The following DCC variants were observed in gnomAD, a reference collection of about 807,000 sequenced individuals.
DCC encodes the protein DCC netrin 1 receptor.
Under a neutral mutation model 172.5 loss-of-function variants are expected in DCC, and 58 were observed. That is an observed-to-expected ratio of 0.34 (90% CI 0.27 to 0.42). The LOEUF (loss-of-function observed/expected upper bound fraction) is 0.42, where lower values mean the gene tolerates loss of function less well. DCC is among the 10% of genes least tolerant of loss of function. The probability of loss-of-function intolerance (pLI) is 1.00; values close to 1 mark genes in which losing one functional copy is unlikely to be tolerated. For synonymous variants in DCC, 709 were observed against 644.5 expected (o/e 1.10, Z -1.52); for missense variants, 1,740 against 1,791.0 (o/e 0.97, Z 0.51).
chr18:53,226,930 G>GTATATATATATATA (rs1290601706), intron 12 of DCC, among the ~76,000 whole-genome samples: 3 of 48,602 alleles, frequency 6.2e-5, no homozygotes, highest in African/African-American at 2.3e-4. Flanking sequence ...GTGTGTGTGT[G>GTATATATATATATA]TGTGTATATA....
At position 52,844,414 on chromosome 18, in the gene DCC, A is replaced by G. The variant is rs539849516; in HGVS notation, c.413-61630A>G. Among the ~76,000 whole-genome samples, 8 of 152,292 alleles carry G rather than the reference A, an allele frequency of 5.3e-5. No individual in the cohort carries two copies. The East Asian group carries it at 1.2e-3, about 22-fold the overall frequency. On this transcript the variant is annotated intron_variant, in intron 2 of 28. Coordinates refer to ENST00000442544, the MANE Select transcript of DCC (RefSeq NM_005215.4). ...GGGTTAACCTCCATTTAGGAAAATC[A>G]TCTTTACCTTGGTCTCATTAATACA... is the stretch of plus-strand genomic sequence containing the variant.
At chr18:52,430,809 C>T (rs1568167140) in intron 1 of DCC, among the ~76,000 whole-genome samples, 1 of 151,986 alleles carries the variant, frequency 6.6e-6, no homozygotes, top group Non-Finnish European at 1.5e-5. Context: ...ATGGAGAAAA[C>T]ACTCTCAAAT....
At chr18:52,432,343 G>A (rs1449396409) in intron 1 of DCC, among the ~76,000 whole-genome samples, 6 of 152,054 alleles carry the variant, frequency 3.9e-5, no homozygotes, top group African/African-American at 7.2e-5. Flanking sequence ...GCAGCTCAGC[G>A]GCGGATTGGT....
At chr18:53,214,982 T>C (rs2055825000) in intron 11 of DCC, among the ~76,000 whole-genome samples, 1 of 152,192 alleles carries the variant, frequency 6.6e-6, no homozygotes, top group Admixed American at 6.5e-5. Flanking sequence ...TAGAATTGAC[T>C]CATCAAGTGC....
chr18:53,370,937 A>G (rs1189157258), intron 15 of DCC, among the ~76,000 whole-genome samples: 1 of 151,898 alleles, frequency 6.6e-6, no homozygotes, highest in Non-Finnish European at 1.5e-5. Flanking sequence ...TACCGAAACA[A>G]GTGATGTTCT....
At chr18:52,774,540 A>C (rs1208102815) in intron 2 of DCC, among the ~76,000 whole-genome samples, 2 of 152,262 alleles carry the variant, frequency 1.3e-5, no homozygotes, top group Non-Finnish European at 2.9e-5. Context: ...TTAAAAACTG[A>C]GTAGACTGGA....
chr18:53,025,584 A>C (rs1381126441), intron 5 of DCC, among the ~76,000 whole-genome samples: 10 of 152,104 alleles, frequency 6.6e-5, no homozygotes, highest in Non-Finnish European at 1.5e-4. Context: ...TAGCATCACT[A>C]TTCCAGAATA....
chr18:53,187,789 C>G (rs1311674207), intron 9 of DCC, among the ~76,000 whole-genome samples: 1 of 152,172 alleles, frequency 6.6e-6, no homozygotes. Context: ...AACCCAAGAT[C>G]CCATGCAATG....
At chr18:53,352,945 T>C (rs1458529296) in intron 15 of DCC, among the ~76,000 whole-genome samples, 1 of 152,194 alleles carries the variant, frequency 6.6e-6, no homozygotes, top group Admixed American at 6.6e-5. Flanking sequence ...ATTTATATTA[T>C]ATATCTTGAC....
intron 2 of DCC, among the ~76,000 whole-genome samples, chr18:52,887,883 G>A (rs968349750): frequency 2.0e-5 from 3 of 152,074 alleles, no homozygotes; most frequent in African/African-American, 7.2e-5. Context: ...TTTCCAAGTA[G>A]GAGACCTTTC....
At chr18:52,938,077 G>T (rs1033561942) in intron 5 of DCC, among the ~76,000 whole-genome samples, 2 of 152,058 alleles carry the variant, frequency 1.3e-5, no homozygotes, top group Non-Finnish European at 2.9e-5. Context: ...ACATTGTTAT[G>T]ACACGCATTC....
intron 1 of DCC, among the ~76,000 whole-genome samples, chr18:52,577,857 G>A (rs941074324): frequency 6.6e-6 from 1 of 152,194 alleles, no homozygotes; most frequent in African/African-American, 2.4e-5. Flanking sequence ...AGAGATGCCA[G>A]GCTTAATATT....
intron 5 of DCC, among the ~76,000 whole-genome samples, chr18:53,012,796 A>G (rs980775362): frequency 6.6e-6 from 1 of 152,140 alleles, no homozygotes; most frequent in Non-Finnish European, 1.5e-5. Context: ...CAGGCAACCT[A>G]CAGAATGGGA....
intron 12 of DCC, among the ~76,000 whole-genome samples, chr18:53,282,331 G>A (rs1041140389): frequency 1.3e-5 from 2 of 152,130 alleles, no homozygotes; most frequent in Admixed American, 6.6e-5. Context: ...AAGAGCATCT[G>A]ATAAGTAGGG....
At chr18:53,529,793 G>C (rs931824117) in intron 28 of DCC, among the ~76,000 whole-genome samples, 1 of 152,132 alleles carries the variant, frequency 6.6e-6, no homozygotes, top group Admixed American at 6.5e-5. Flanking sequence ...GGTATTTGTG[G>C]TAACTAGTAA....
chr18:53,071,413 G>T (rs927103250), intron 7 of DCC, among the ~76,000 whole-genome samples: 1 of 152,112 alleles, frequency 6.6e-6, no homozygotes, highest in Non-Finnish European at 1.5e-5. Context: ...AAGATCAATG[G>T]TGTTTTTAAA....
At chr18:52,856,537 G>C (rs923347322) in intron 2 of DCC, among the ~76,000 whole-genome samples, 2 of 148,408 alleles carry the variant, frequency 1.3e-5, no homozygotes, top group South Asian at 2.2e-4. Context: ...GAGGCTGGAG[G>C]ATGGCGTGAA....
At chr18:52,582,869 T>A (rs945130748) in intron 1 of DCC, among the ~76,000 whole-genome samples, 3 of 152,194 alleles carry the variant, frequency 2.0e-5, no homozygotes, top group African/African-American at 7.2e-5. Flanking sequence ...ACAACTTTTT[T>A]TTCTGGTGTC....
At position 52,503,083 on chromosome 18, in the gene DCC, A is replaced by G. The variant is rs186429454; in HGVS notation, c.91+162205A>G. Among the ~76,000 whole-genome samples, 4 of 152,318 alleles carry G rather than the reference A, an allele frequency of 2.6e-5. No homozygotes were observed. In the East Asian group the frequency reaches 7.7e-4, roughly 29 times the overall value. On this transcript the variant is annotated intron_variant, in intron 1 of 28. Coordinates refer to ENST00000442544, the MANE Select transcript of DCC (RefSeq NM_005215.4). ...AGTCAAATCAAATCACAGAGGATCT[A>G]CTTTTATACTCTTACTTATTTTACT...
Sources: gnomAD v4.1 joint callset for allele counts (sites outside exome capture counted in the v4.1 genomes callset) on GRCh38, gnomAD v4.1.1 for gene constraint, MANE v1.5 for transcripts, NCBI Gene and HGNC (gene_info 2026-07-23, HGNC 2026-07-21) for gene names.